Variants in NDUFAF6 observed in about 807,000 individuals in gnomAD.
NDUFAF6 encodes the protein NADH:ubiquinone oxidoreductase complex assembly factor 6, also known as NADH dehydrogenase (ubiquinone) complex I, assembly factor 6.
In NDUFAF6, 45 loss-of-function variants were observed where a neutral mutation model predicts 40.8. That is an observed-to-expected ratio of 1.10 (90% CI 0.87 to 1.42). The LOEUF (loss-of-function observed/expected upper bound fraction) is 1.42, where lower values mean the gene tolerates loss of function less well. NDUFAF6 is among the 40% of genes most tolerant of loss of function. The pLI, the probability that NDUFAF6 is intolerant of heterozygous loss-of-function variation, is 0.00. For missense variants in NDUFAF6, 435 were observed against 418.5 expected (o/e 1.04, Z -0.34); for synonymous variants, 185 against 155.9 (o/e 1.19, Z -1.39).
intron 2 of NDUFAF6, among the ~76,000 whole-genome samples, chr8:95,092,372 A>G (rs968394832): frequency 4.6e-5 from 7 of 151,634 alleles, no homozygotes; most frequent in Non-Finnish European, 8.8e-5. Flanking sequence ...AGTAGAGACG[A>G]GGTTTCACCA....
intron 1 of NDUFAF6, among the ~76,000 whole-genome samples, chr8:94,932,752 G>C (rs893819493): frequency 3.9e-5 from 6 of 152,126 alleles, no homozygotes; most frequent in African/African-American, 1.4e-4. Flanking sequence ...GCAGTGAGCC[G>C]AGATAGCGCC....
At chr8:94,947,423 T>TA (rs1822119727) in intron 2 of NDUFAF6, among the ~76,000 whole-genome samples, 2 of 152,240 alleles carry the variant, frequency 1.3e-5, no homozygotes, top group Non-Finnish European at 2.9e-5. Context: ...TCCTTCTTTT[T>TA]ATCCCACCCT....
intron 4 of NDUFAF6, among the ~76,000 whole-genome samples, chr8:95,043,207 C>T (rs1295998359): frequency 1.3e-5 from 2 of 151,478 alleles, no homozygotes; most frequent in African/African-American, 2.4e-5. Context: ...GCCTCAGCCT[C>T]CTGAGTAGCT....
At chr8:95,108,721 G>A (rs1017784966) in intron 4 of NDUFAF6, among the ~76,000 whole-genome samples, 3 of 152,124 alleles carry the variant, frequency 2.0e-5, no homozygotes, top group Middle Eastern at 3.2e-3. Flanking sequence ...GGGGAAATTG[G>A]AACCTTTGTG....
chr8:94,977,321 G>A (rs1825042101), intron 1 of NDUFAF6, among the ~76,000 whole-genome samples: 2 of 151,628 alleles, frequency 1.3e-5, no homozygotes. Context: ...AGACCAGCCT[G>A]GACAACAAAA....
chr8:95,045,456 T>C, intron 4 of NDUFAF6, 89 bp from the exon 5 acceptor site: 1 of 835,856 alleles, frequency 1.2e-6, no homozygotes, highest in Middle Eastern at 2.2e-4. Flanking sequence ...TTTTATTCGT[T>C]ATTCAGTTCT....
chr8:95,063,697 A>T (rs1255541598), downstream of NDUFAF6, among the ~76,000 whole-genome samples: 1 of 152,206 alleles, frequency 6.6e-6, no homozygotes, highest in African/African-American at 2.4e-5. Flanking sequence ...GCTTAGTTAT[A>T]TAATAATATC....
chr8:94,991,405 G>A (rs1826184575), intron 2 of NDUFAF6, among the ~76,000 whole-genome samples: 1 of 152,190 alleles, frequency 6.6e-6, no homozygotes, highest in African/African-American at 2.4e-5. Flanking sequence ...TCAGGCAGAG[G>A]TAGGCTAGAA....
intron 1 of NDUFAF6, among the ~76,000 whole-genome samples, chr8:94,931,296 A>C (rs1820367582): frequency 6.6e-6 from 1 of 152,192 alleles, no homozygotes; most frequent in Admixed American, 6.5e-5. Context: ...TTCTAGATAA[A>C]AAGCTATAGC....
intron 1 of NDUFAF6, among the ~76,000 whole-genome samples, chr8:95,028,157 T>C (rs1370932983): frequency 2.0e-5 from 3 of 152,238 alleles, no homozygotes; most frequent in Non-Finnish European, 4.4e-5. Context: ...TTGTTTCTTA[T>C]ATGTCTGTCT....
At chr8:94,931,501 G>C (rs1304998511) in intron 1 of NDUFAF6, among the ~76,000 whole-genome samples, 1 of 152,068 alleles carries the variant, frequency 6.6e-6, no homozygotes, top group African/African-American at 2.4e-5. Flanking sequence ...AACATGAAGA[G>C]CTGTATGATT....
upstream of NDUFAF6, among the ~76,000 whole-genome samples, chr8:95,099,987 G>A (rs1260818972): frequency 6.6e-6 from 1 of 152,196 alleles, no homozygotes; most frequent in East Asian, 1.9e-4. Flanking sequence ...AGGCTCTTTA[G>A]TGCTGGTCTG....
intron 9 of NDUFAF6, among the ~76,000 whole-genome samples, chr8:95,074,995 T>C (rs1832988049): frequency 6.6e-6 from 1 of 151,566 alleles, no homozygotes; most frequent in Non-Finnish European, 1.5e-5. Context: ...TCAAATAGAG[T>C]CTAACGTGAA....
intron 1 of NDUFAF6, among the ~76,000 whole-genome samples, chr8:94,907,483 C>T (rs1818467929): frequency 6.6e-6 from 1 of 152,170 alleles, no homozygotes; most frequent in Non-Finnish European, 1.5e-5. Context: ...CATACATTTG[C>T]AGAATATATG....
upstream of NDUFAF6, among the ~76,000 whole-genome samples, chr8:95,096,582 T>C (rs1225755102): frequency 1.3e-5 from 2 of 152,196 alleles, no homozygotes; most frequent in Admixed American, 6.5e-5. Flanking sequence ...TCTTCTCATT[T>C]TATGGATGTA....
chr8:94,934,160 A>C (rs1383425334), intron 1 of NDUFAF6, among the ~76,000 whole-genome samples: 4 of 148,016 alleles, frequency 2.7e-5, no homozygotes, highest in Non-Finnish European at 6.0e-5. Flanking sequence ...AAAAAAAAAA[A>C]CACAATCTGG....
At chr8:95,080,360 ATTTTTGTAGTGTAT>A (rs1808793122), downstream of NDUFAF6, among the ~76,000 whole-genome samples, 1 of 91,528 alleles carries the variant, frequency 1.1e-5, no homozygotes, top group African/African-American at 4.5e-5. Context: ...TTGGTAGTGT[ATTTTTGTAGTGTAT>A]TTTTTGTAGT....
chr8:95,118,073 T>C (rs1235071526), downstream of NDUFAF6, among the ~76,000 whole-genome samples: 1 of 152,246 alleles, frequency 6.6e-6, no homozygotes, highest in Non-Finnish European at 1.5e-5. Context: ...ACAACTCATC[T>C]GATCTGGATC....
At chr8:94,996,691 A>AT (rs1291181092) in intron 2 of NDUFAF6, among the ~76,000 whole-genome samples, 2 of 152,172 alleles carry the variant, frequency 1.3e-5, no homozygotes, top group Non-Finnish European at 2.9e-5. Context: ...CGAAGTCTTA[A>AT]CCACCAGTAG....
Sources: allele counts gnomAD v4.1 joint callset (sites outside exome capture counted in the v4.1 genomes callset), GRCh38; gene constraint gnomAD v4.1.1; transcripts MANE v1.5; gene names NCBI Gene and HGNC (gene_info 2026-07-23, HGNC 2026-07-21).